Variants in LIPC observed in about 807,000 individuals in gnomAD.
LIPC encodes the protein hepatic triacylglycerol lipase.
A neutral mutation model predicts 50.7 loss-of-function variants in LIPC; 44 were observed. That is an observed-to-expected ratio of 0.87 (90% CI 0.68 to 1.11). The LOEUF is 1.11. LIPC is among the 50% of genes most tolerant of loss of function. The pLI, the probability that LIPC is intolerant of heterozygous loss-of-function variation, is 0.00. For missense variants in LIPC, 697 were observed against 648.2 expected (o/e 1.08, Z -0.82); for synonymous variants, 271 against 256.4 (o/e 1.06, Z -0.54).
intron 6 of LIPC, 149 bp from the exon 7 acceptor site, chr15:58,560,715 C>A (rs33931419): frequency 3.4e-6 from 2 of 592,036 alleles, no homozygotes; most frequent in African/African-American, 1.9e-5. Flanking sequence ...GATAAACCAC[C>A]ATTTAGGAGC....
Position 58,548,413 on chromosome 15 carries a change from A to G in LIPC, c.892A>G (p.Met298Val). 6.2e-7 allele frequency: 1 copy of G among 1,614,148 alleles called. No homozygotes were observed. Among genetic ancestry groups the G allele is most frequent in the African/African-American group, 1.3e-5 (1 of 75,056 alleles). Residue 298 changes from methionine to valine, a missense_variant, in exon 6 of 9, where the codon ATG (methionine) becomes GTG (valine). By Grantham distance (21) the Met-to-Val change is conservative (BLOSUM62 1). Transcript: ENST00000299022. ...DSLLHAGTQSMAYPCGDMNSF... is the reference protein window; with the variant it reads ...DSLLHAGTQSVAYPCGDMNSF... ...CTTGCTGCACGCCGGCACGCAGAGC[A>G]TGGCCTACCCGTGTGGTGACATGAA... is the stretch of plus-strand genomic sequence containing the variant.
intron 1 of LIPC, among the ~76,000 whole-genome samples, chr15:58,444,189 C>G (rs1246856175): frequency 6.6e-6 from 1 of 152,172 alleles, no homozygotes; most frequent in Non-Finnish European, 1.5e-5. Context: ...CCCTGGCCCC[C>G]ACCTTTGTGC....
At chr15:58,511,602 G>A (rs1038187087) in intron 1 of LIPC, among the ~76,000 whole-genome samples, 7 of 152,200 alleles carry the variant, frequency 4.6e-5, no homozygotes, top group African/African-American at 1.4e-4. Flanking sequence ...TGGTTTGCAT[G>A]AGCAAAGCTA....
At chr15:58,542,449 G>T in intron 3 of LIPC, 85 bp from the exon 4 acceptor site, 2 of 862,694 alleles carry the variant, frequency 2.3e-6, no homozygotes, top group East Asian at 4.9e-5. Context: ...ACGAAGAACA[G>T]GGTGGGCGCC....
intron 1 of LIPC, among the ~76,000 whole-genome samples, chr15:58,443,301 T>C (rs1175435201): frequency 6.6e-6 from 1 of 152,168 alleles, no homozygotes; most frequent in Non-Finnish European, 1.5e-5. Context: ...CTGCTCACCT[T>C]ACACAACTGT....
rs144856280 is a variant in LIPC, at chr15:58,563,663, C to T, written c.1328C>T (p.Pro443Leu). 119 of 1,614,040 alleles carry T rather than the reference C, an allele frequency of 7.4e-5. 1 individual carries two copies. In the African/African-American group the frequency reaches 1.1e-3, roughly 15 times the overall value. Residue 443 changes from proline (P) to leucine (L), a missense_variant, in exon 8 of 9, where the codon CCG becomes CTG. Pro to Leu is a moderately conservative substitution (Grantham distance 98). Coordinates refer to ENST00000299022, the MANE Select transcript of LIPC (RefSeq NM_000236.3). ...ACCATCATCCCATGGAGCACAGGGCCGCGCCACTCAGGCCTCGTTCTGAAG... is the reference window on the plus strand; with the variant it reads ...ACCATCATCCCATGGAGCACAGGGCTGCGCCACTCAGGCCTCGTTCTGAAG... ...VQTIIPWSTG[P>L]RHSGLVLKTI...
intron 4 of LIPC, 38 bp downstream of exon 4, chr15:58,542,689 C>T (rs762245376): frequency 3.7e-6 from 5 of 1,347,642 alleles, no homozygotes; most frequent in Non-Finnish European, 5.3e-6. Flanking sequence ...GATCTCCACT[C>T]CATAGGGGCA....
chr15:58,540,164 C>A (rs1893272980), intron 2 of LIPC, among the ~76,000 whole-genome samples: 1 of 152,224 alleles, frequency 6.6e-6, no homozygotes, highest in Non-Finnish European at 1.5e-5. Context: ...ATGAATGAGT[C>A]TTGTTTATAA....
At chr15:58,515,525 T>TAC (rs75583887) in intron 1 of LIPC, among the ~76,000 whole-genome samples, 17,026 of 141,658 alleles carry the variant, frequency 0.12, 1,070 homozygotes, top group Non-Finnish European at 0.14. Flanking sequence ...TCTTTGCATA[T>TAC]ACACACACAT....
chr15:58,432,802 A>G (rs1354090013), intron 1 of LIPC, among the ~76,000 whole-genome samples: 1 of 152,200 alleles, frequency 6.6e-6, no homozygotes, highest in African/African-American at 2.4e-5. Context: ...AGTTAATTGA[A>G]CAATTTGGCC....
chr15:58,524,976 A>G (rs1422191153), intron 1 of LIPC, among the ~76,000 whole-genome samples: 1 of 152,128 alleles, frequency 6.6e-6, no homozygotes, highest in South Asian at 2.1e-4. Context: ...ATTTTGAATC[A>G]CAGAGGGAGA....
chr15:58,564,700 C>G (rs182401698), intron 8 of LIPC, among the ~76,000 whole-genome samples: 71 of 152,182 alleles, frequency 4.7e-4, no homozygotes, highest in Non-Finnish European at 8.7e-4. Flanking sequence ...GCACTCCAGC[C>G]TGGATGACAG....
intron 1 of LIPC, among the ~76,000 whole-genome samples, chr15:58,459,783 C>T (rs538297561): frequency 3.9e-5 from 6 of 152,326 alleles, no homozygotes; most frequent in Admixed American, 2.0e-4. Flanking sequence ...AACAGATGCC[C>T]GCTCCCTTAC....
intron 1 of LIPC, among the ~76,000 whole-genome samples, chr15:58,433,116 ATT>A (rs1297136611): frequency 3.3e-5 from 5 of 152,200 alleles, no homozygotes; most frequent in African/African-American, 1.2e-4. Flanking sequence ...CACTATACTA[ATT>A]ATTTTTGACA....
intron 1 of LIPC, among the ~76,000 whole-genome samples, chr15:58,506,949 C>G (rs1892171120): frequency 6.6e-6 from 1 of 152,212 alleles, no homozygotes; most frequent in Non-Finnish European, 1.5e-5. Context: ...ACACATCCTT[C>G]CGCAAATGGT....
chr15:58,532,559 T>C (rs1892991277), intron 1 of LIPC, among the ~76,000 whole-genome samples: 1 of 152,208 alleles, frequency 6.6e-6, no homozygotes, highest in Non-Finnish European at 1.5e-5. Flanking sequence ...ATGCATGTTG[T>C]ATGAAAAACC....
chr15:58,434,286 A>G lies in LIPC; in HGVS notation c.88+2166A>G, dbSNP rs182787008. ...ATCGAGCACCAGGAAGTACTCCCTC[A>G]AGGACCCTTCCTCTTTAGCCCCTCC... is the stretch of plus-strand genomic sequence containing the variant. On this transcript the variant is annotated intron_variant, in intron 1 of 8. Coordinates refer to ENST00000299022, the MANE Select transcript of LIPC (RefSeq NM_000236.3). 2.0e-3 allele frequency among the ~76,000 whole-genome samples: 309 copies of G among 152,292 alleles called. 2 individuals are homozygous for G. The highest frequency in any genetic ancestry group is 7.1e-3 in the African/African-American group (297 of 41,556).
At chr15:58,512,435 T>G (rs752413774) in intron 1 of LIPC, among the ~76,000 whole-genome samples, 8 of 152,214 alleles carry the variant, frequency 5.3e-5, no homozygotes, top group Non-Finnish European at 8.8e-5. Context: ...TGTTTTATTT[T>G]GCTTTTTAAG....
intron 1 of LIPC, among the ~76,000 whole-genome samples, chr15:58,459,866 C>T (rs756710583): frequency 5.3e-5 from 8 of 152,364 alleles, no homozygotes; most frequent in East Asian, 3.9e-4. Flanking sequence ...CCTTCACAGG[C>T]GGGGCCCTGG....
Sources: gnomAD v4.1 joint callset for allele counts (sites outside exome capture counted in the v4.1 genomes callset) on GRCh38, gnomAD v4.1.1 for gene constraint, MANE v1.5 for transcripts, NCBI Gene and HGNC (gene_info 2026-07-23, HGNC 2026-07-21) for gene names.